MACROD2: variants seen among roughly 807,000 people sequenced by gnomAD.
MACROD2 encodes the protein mono-ADP ribosylhydrolase 2.
In MACROD2, 36 loss-of-function variants were observed where a neutral mutation model predicts 70.4. That is an observed-to-expected ratio of 0.51 (90% CI 0.39 to 0.68). MACROD2 has a LOEUF of 0.68. MACROD2 is among the 30% of genes least tolerant of loss of function. The probability of loss-of-function intolerance (pLI) is 0.00; values close to 1 mark genes in which losing one functional copy is unlikely to be tolerated. For missense variants in MACROD2, 496 were observed against 538.4 expected (o/e 0.92, Z 0.78); for synonymous variants, 172 against 178.8 (o/e 0.96, Z 0.30).
intron 3 of MACROD2, among the ~76,000 whole-genome samples, chr20:14,089,670 A>G (rs1419203542): frequency 2.0e-5 from 3 of 152,218 alleles, no homozygotes; most frequent in Non-Finnish European, 4.4e-5. Flanking sequence ...TGCAGGCATT[A>G]TAGTACACAG....
At chr20:15,500,482 G>A (rs146474071) in intron 8 of MACROD2, among the ~76,000 whole-genome samples, 64 of 152,278 alleles carry the variant, frequency 4.2e-4, no homozygotes, top group Non-Finnish European at 8.8e-4. Context: ...ACTAGAGACC[G>A]TGGAGCGTTA....
chr20:15,857,036 T>C (rs1342687174), intron 8 of MACROD2, among the ~76,000 whole-genome samples: 1 of 152,206 alleles, frequency 6.6e-6, no homozygotes, highest in Non-Finnish European at 1.5e-5. Context: ...TGAAATGATA[T>C]TGAAGATTAC....
chr20:15,274,095 A>G (rs2077369897), intron 6 of MACROD2, among the ~76,000 whole-genome samples: 1 of 152,210 alleles, frequency 6.6e-6, no homozygotes, highest in African/African-American at 2.4e-5. Flanking sequence ...CATGACTGGT[A>G]AGAATAAGAA....
At chr20:14,172,772 G>T (rs972755463) in intron 3 of MACROD2, among the ~76,000 whole-genome samples, 5 of 152,226 alleles carry the variant, frequency 3.3e-5, no homozygotes, top group African/African-American at 7.2e-5. Flanking sequence ...CTTTAAGGAG[G>T]TTCTATTTTG....
At chr20:15,711,399 T>C (rs1211442119) in intron 8 of MACROD2, among the ~76,000 whole-genome samples, 2 of 152,184 alleles carry the variant, frequency 1.3e-5, no homozygotes, top group South Asian at 2.1e-4. Context: ...GTGACTCACT[T>C]CTCAGTATAT....
intron 4 of MACROD2, among the ~76,000 whole-genome samples, chr20:14,678,552 T>G (rs1352436287): frequency 6.6e-6 from 1 of 152,172 alleles, no homozygotes; most frequent in East Asian, 1.9e-4. Context: ...TTCCCTCTTT[T>G]AGATTTCTGA....
intron 3 of MACROD2, among the ~76,000 whole-genome samples, chr20:14,330,399 A>G (rs1888977431): frequency 6.6e-6 from 1 of 152,040 alleles, no homozygotes; most frequent in Admixed American, 6.6e-5. Context: ...CCTCAAAGTA[A>G]GGACTAAAGT....
chr20:14,373,345 T>A (rs190290835), intron 3 of MACROD2, among the ~76,000 whole-genome samples: 47 of 152,320 alleles, frequency 3.1e-4, no homozygotes, highest in Middle Eastern at 6.8e-3. Flanking sequence ...ATTTGAATTA[T>A]GACAACATCA....
intron 8 of MACROD2, among the ~76,000 whole-genome samples, chr20:15,751,352 T>C (rs1187566189): frequency 6.6e-6 from 1 of 152,040 alleles, no homozygotes; most frequent in East Asian, 1.9e-4. Context: ...AAGTAACATT[T>C]TATTACTTTA....
intron 3 of MACROD2, among the ~76,000 whole-genome samples, chr20:14,450,075 TA>T (rs1469429097): frequency 1.3e-5 from 2 of 151,952 alleles, no homozygotes; most frequent in African/African-American, 4.8e-5. Flanking sequence ...TAAAAAATTA[TA>T]AAAAACAAAA....
chr20:14,769,539 G>A (rs1017959530), intron 5 of MACROD2, among the ~76,000 whole-genome samples: 1 of 152,074 alleles, frequency 6.6e-6, no homozygotes, highest in African/African-American at 2.4e-5. Context: ...AAGGCTTTCA[G>A]TTTTAACTCA....
chr20:14,545,165 C>T (rs1473484701), intron 4 of MACROD2, among the ~76,000 whole-genome samples: 2 of 152,322 alleles, frequency 1.3e-5, no homozygotes, highest in Admixed American at 6.5e-5. Context: ...ACACTGTGGT[C>T]TCTGCCCACT....
At chr20:14,757,742 T>TTTGG in intron 5 of MACROD2, 1 of 1,532,234 alleles carries the variant, frequency 6.5e-7, no homozygotes, top group Non-Finnish European at 9.0e-7. Flanking sequence ...GAAGGCACAG[T>TTTGG]TTGCCTGGAG....
intron 3 of MACROD2, among the ~76,000 whole-genome samples, chr20:14,345,915 A>G (rs181339019): frequency 1.3e-5 from 2 of 151,940 alleles, no homozygotes; most frequent in African/African-American, 4.8e-5. Flanking sequence ...AAATAAAAAT[A>G]TAAAAAATAC....
chr20:14,977,462 T>TACACACAC (rs3045702), intron 5 of MACROD2, among the ~76,000 whole-genome samples: 1,704 of 135,054 alleles, frequency 0.013, 21 homozygotes, highest in African/African-American at 0.03. Flanking sequence ...AAGAAAAAGA[T>TACACACAC]ACACACACAC....
At chr20:15,686,674 A>C (rs1600759525) in intron 8 of MACROD2, among the ~76,000 whole-genome samples, 1 of 152,118 alleles carries the variant, frequency 6.6e-6, no homozygotes, top group Non-Finnish European at 1.5e-5. Flanking sequence ...GGAGTTCGAG[A>C]CCAGCCTGGC....
intron 5 of MACROD2, among the ~76,000 whole-genome samples, chr20:15,071,012 C>G (rs1348164912): frequency 6.6e-6 from 1 of 151,586 alleles, no homozygotes; most frequent in Non-Finnish European, 1.5e-5. Flanking sequence ...ATTTGTAAGA[C>G]TATTATAGCC....
chr20:15,381,099 G>A (rs142285888), intron 6 of MACROD2, among the ~76,000 whole-genome samples: 2 of 152,184 alleles, frequency 1.3e-5, no homozygotes, highest in Non-Finnish European at 2.9e-5. Context: ...TTAACTATGT[G>A]GAATTTGCAG....
At chr20:14,269,861 A>T (rs954739893) in intron 3 of MACROD2, among the ~76,000 whole-genome samples, 2 of 150,192 alleles carry the variant, frequency 1.3e-5, no homozygotes, top group African/African-American at 2.4e-5. Context: ...ATCTCCCTTT[A>T]TTTATAGTTT....
Sources: allele counts gnomAD v4.1 joint callset (sites outside exome capture counted in the v4.1 genomes callset), GRCh38; gene constraint gnomAD v4.1.1; transcripts MANE v1.5; gene names NCBI Gene and HGNC (gene_info 2026-07-23, HGNC 2026-07-21).